The following ANKAR variants were observed in gnomAD, a reference collection of about 807,000 sequenced individuals.
ANKAR encodes the protein ankyrin and armadillo repeat containing.
ANKAR carries 136 observed loss-of-function variants against 146.2 expected under a neutral mutation model. That is an observed-to-expected ratio of 0.93 (90% confidence interval 0.81 to 1.07). The LOEUF (loss-of-function observed/expected upper bound fraction) is 1.07, where lower values mean the gene tolerates loss of function less well. Ranked by LOEUF, ANKAR falls within the 50% of genes least tolerant of loss-of-function variation. The pLI is 0.00. For missense variants in ANKAR, 1,567 were observed against 1,679.9 expected, an observed-to-expected ratio of 0.93 and a Z score of 1.18; for synonymous variants, 500 against 575.8, an observed-to-expected ratio of 0.87 and a Z score of 1.88.
Position 189,720,743 on chromosome 2 carries a change from A to G in ANKAR, c.2591A>G (p.His864Arg). 2 of 1,518,856 alleles carry G rather than the reference A, an allele frequency of 1.3e-6. No homozygotes were observed. Among genetic ancestry groups the G allele is most frequent in the African/African-American group, 1.4e-5 (1 of 70,018 alleles). The allele number at this position is 1,518,856 out of a possible 1,614,324, so 94.1% of individuals were successfully genotyped here. Residue 864 changes from histidine to arginine, a missense_variant, in exon 12 of 23, where the codon CAT becomes CGT. His to Arg is a conservative substitution (Grantham distance 29). Transcript: ENST00000684021. ...NENNQRAVRE[H>R]KGLPYLIRFL... ...AACAATCAAAGAGCTGTGAGAGAACATAAAGGCCTCCCATATCTTATCAGA... is the reference window on the plus strand; with the variant it reads ...AACAATCAAAGAGCTGTGAGAGAACGTAAAGGCCTCCCATATCTTATCAGA...
Position 189,689,763 on chromosome 2 carries a change from C to G in ANKAR, c.838C>G (p.Leu280Val), listed in dbSNP as rs1378159472. Residue 280 changes from leucine (L) to valine (V), a missense_variant, in exon 3 of 23, where the codon CTT becomes GTT. Coordinates refer to ENST00000684021, the MANE Select transcript of ANKAR (RefSeq NM_001378068.1). ...TGCTATAAAATATAATCAGGATTAT[C>G]TTGATATCTGTACCTACCAGAGACT... ...TNAIKYNQDY[L>V]DICTYQRLQQ... The G allele has an allele frequency of 6.2e-7, 1 of 1,612,272 alleles. No homozygotes were observed. Among genetic ancestry groups the G allele is most frequent in the African/African-American group, 1.3e-5 (1 of 74,852 alleles).
At chr2:189,719,909 A>G (rs551225174) in intron 11 of ANKAR, 96 bp downstream of exon 11, 2 of 1,286,970 alleles carry the variant, frequency 1.6e-6, no homozygotes, top group East Asian at 2.5e-5. Context: ...TCAGTGACAA[A>G]ACTCTCAGGG....
intron 8 of ANKAR, 51 bp downstream of exon 8, chr2:189,705,275 TAA>T (rs11319823): frequency 3.9e-4 from 535 of 1,367,658 alleles, no homozygotes; most frequent in Middle Eastern, 4.5e-4. Context: ...TAGGCAATAA[TAA>T]AAAAAAAAGA....
chr2:189,758,196 A>G (rs191944740), intron 18 of ANKAR, among the ~76,000 whole-genome samples: 12 of 152,290 alleles, frequency 7.9e-5, no homozygotes, highest in Non-Finnish European at 1.8e-4. Context: ...AGCCTGACCA[A>G]CATGGAGAAA....
downstream of ANKAR, among the ~76,000 whole-genome samples, chr2:189,748,822 A>C (rs2044594884): frequency 6.6e-6 from 1 of 152,208 alleles, no homozygotes; most frequent in African/African-American, 2.4e-5. Flanking sequence ...ACTATACTTT[A>C]GGACTATTTT....
chr2:189,744,099 AAT>A (rs2043723420), intron 21 of ANKAR, among the ~76,000 whole-genome samples: 2 of 152,220 alleles, frequency 1.3e-5, no homozygotes, highest in African/African-American at 2.4e-5. Context: ...ATACATAGGA[AAT>A]AGAACTACTC....
intron 13 of ANKAR, 58 bp from the exon 14 acceptor site, chr2:189,728,193 ACATTTTATAAAATATG>A (rs1306306771): frequency 6.7e-7 from 1 of 1,501,816 alleles, no homozygotes; most frequent in Non-Finnish European, 8.9e-7. Flanking sequence ...TCTAGAATAA[ACATTTTATAAAATATG>A]CATTCCTAAA....
intron 1 of ANKAR, 103 bp from the exon 2 acceptor site, chr2:189,676,353 T>C (rs1327673437): frequency 9.5e-7 from 1 of 1,051,412 alleles, no homozygotes; most frequent in African/African-American, 1.6e-5. Context: ...CCATGAAAAA[T>C]TAATCTTATG....
At chr2:189,744,224 GTACA>G (rs2043745955) in intron 21 of ANKAR, among the ~76,000 whole-genome samples, 1 of 152,148 alleles carries the variant, frequency 6.6e-6, no homozygotes, top group Non-Finnish European at 1.5e-5. Flanking sequence ...AGAATGATGA[GTACA>G]TCTTTGGAGC....
intron 5 of ANKAR, among the ~76,000 whole-genome samples, chr2:189,693,559 G>A (rs920134778): frequency 1.3e-5 from 2 of 152,108 alleles, no homozygotes; most frequent in Non-Finnish European, 2.9e-5. Flanking sequence ...ATTTTAATTA[G>A]AGGCAAAGAT....
At position 189,696,330 on chromosome 2, in the gene ANKAR, T is replaced by C; in HGVS notation, c.1669T>C (p.Phe557Leu). 6.2e-7 allele frequency: 1 copy of C among 1,614,048 alleles called. No homozygotes were observed. The highest frequency in any genetic ancestry group is 8.5e-7 in the Non-Finnish European group (1 of 1,179,980). ...TATATGTCAACTGTGCAATGCTAAC[T>C]TCAAGGTCAACCAGAGGCGCTTTGT... Reference protein sequence around the residue: ...SIICQLCNANFKVNQRRFVTF... With the variant: ...SIICQLCNANLKVNQRRFVTF... The change falls in exon 7 of 23, where the codon TTC (phenylalanine) becomes CTC (leucine). Residue 557 changes from phenylalanine to leucine, a missense_variant. Phe to Leu is a conservative substitution (Grantham distance 22). Transcript: ENST00000684021.
intron 18 of ANKAR, among the ~76,000 whole-genome samples, chr2:189,760,331 G>A (rs1257515841): frequency 3.9e-5 from 6 of 152,132 alleles, no homozygotes; most frequent in Admixed American, 1.3e-4. Context: ...CAGAGGTGGC[G>A]GCCAGGCGGA....
rs2043654726 is a variant in ANKAR, at chr2:189,743,486, T to TG, written c.4010+13dup. On this transcript the variant is annotated intron_variant, in intron 21 of 22. Transcript: ENST00000684021. ...CTTCCTTCCTTAAGGTATGGTCCTA[T>TG]GTTAGAAGTTGCAGTAGTGAAATCA... 6.2e-7 allele frequency: 1 copy of TG among 1,607,570 alleles called. No homozygotes were observed. Among genetic ancestry groups the TG allele is most frequent in the South Asian group, 1.1e-5 (1 of 90,582 alleles).
At chr2:189,677,625 A>G (rs939613898) in intron 2 of ANKAR, among the ~76,000 whole-genome samples, 4 of 149,890 alleles carry the variant, frequency 2.7e-5, no homozygotes, top group African/African-American at 9.8e-5. Flanking sequence ...TATTTAATTC[A>G]TTTTTATGGC....
At chr2:189,754,171 T>A (rs1429138940) in intron 18 of ANKAR, 2 of 1,613,692 alleles carry the variant, frequency 1.2e-6, no homozygotes, top group African/African-American at 2.7e-5. Flanking sequence ...ATTATTATTT[T>A]ATCAGTAACG....
chr2:189,727,943 C>T lies in ANKAR; in HGVS notation c.2723C>T (p.Ala908Val), dbSNP rs775860098. 35 of 1,613,850 alleles carry T rather than the reference C, an allele frequency of 2.2e-5. No homozygotes were observed. Among genetic ancestry groups the T allele is most frequent in the Admixed American group, 6.7e-5 (4 of 59,952 alleles). Residue 908 changes from alanine to valine, a missense_variant, in exon 13 of 23, where the codon GCG becomes GTG. Physicochemically the swap from Ala to Val is moderately conservative, Grantham distance 64. Transcript: ENST00000684021. ...EIQDAIAMEG[A>V]IPPLVALFKG... is the part of the protein sequence containing the mutation. ...CAGGATGCTATAGCTATGGAGGGAG[C>T]GATTCCTCCTCTGGTGGCTCTTTTT...
intron 8 of ANKAR, 106 bp downstream of exon 8, chr2:189,705,330 C>A: frequency 1.7e-6 from 2 of 1,143,476 alleles, no homozygotes; most frequent in Non-Finnish European, 2.5e-6. Context: ...CTTTTCATGG[C>A]TTGCCACACA....
intron 16 of ANKAR, among the ~76,000 whole-genome samples, chr2:189,730,915 A>G (rs2042341404): frequency 1.3e-5 from 2 of 152,192 alleles, no homozygotes; most frequent in Admixed American, 6.5e-5. Context: ...ATTTATTCAC[A>G]AAAGTTCTTT....
At position 189,727,836 on chromosome 2, in the gene ANKAR, G is replaced by C. The variant is rs766058156; in HGVS notation, c.2636-20G>C. 15 of 1,608,706 alleles carry C rather than the reference G, an allele frequency of 9.3e-6. No homozygotes were observed. The East Asian group carries it at 3.3e-4, about 36-fold the overall frequency. On this transcript the variant is annotated intron_variant, in intron 12 of 22. Coordinates refer to ENST00000684021, the MANE Select transcript of ANKAR (RefSeq NM_001378068.1). ...ATTTTTCATAAGGTTTATTTAACTT[G>C]TTCTTAAATTCATTTGAAGATGTGT... is the stretch of plus-strand genomic sequence containing the variant.
Sources: gnomAD v4.1 joint callset for allele counts (sites outside exome capture counted in the v4.1 genomes callset) on GRCh38, gnomAD v4.1.1 for gene constraint, MANE v1.5 for transcripts, NCBI Gene and HGNC (gene_info 2026-07-23, HGNC 2026-07-21) for gene names.